NLRC5: variants seen among roughly 807,000 people sequenced by gnomAD.
NLRC5 encodes the protein NLR family CARD domain containing 5, also known as protein NLRC5.
Under a neutral mutation model 206.9 loss-of-function variants are expected in NLRC5, and 114 were observed. That is an observed-to-expected ratio of 0.55 (90% confidence interval 0.47 to 0.64). The LOEUF (loss-of-function observed/expected upper bound fraction) is 0.64, where lower values mean the gene tolerates loss of function less well. NLRC5 is among the 30% of genes least tolerant of loss of function. The pLI is 0.00. For synonymous variants in NLRC5, 952 were observed against 962.8 expected (o/e 0.99, Z 0.21); for missense variants, 2,008 against 2,305.5 (o/e 0.87, Z 2.64).
intron 1 of NLRC5, among the ~76,000 whole-genome samples, chr16:56,995,957 G>T (rs1244172853): frequency 6.6e-6 from 1 of 152,174 alleles, no homozygotes; most frequent in African/African-American, 2.4e-5. Flanking sequence ...GAATCGTAAA[G>T]TGACAAATTT....
At chr16:56,999,830 C>T (rs2058047228) in intron 1 of NLRC5, among the ~76,000 whole-genome samples, 2 of 152,224 alleles carry the variant, frequency 1.3e-5, no homozygotes, top group African/African-American at 2.4e-5. Context: ...GCTGGAGAAG[C>T]AGAGCCCCAG....
intron 23 of NLRC5, among the ~76,000 whole-genome samples, chr16:57,049,692 C>T (rs1166071898): frequency 6.6e-6 from 1 of 151,684 alleles, no homozygotes; most frequent in African/African-American, 2.4e-5. Context: ...CAAGACTGCG[C>T]CACTGTCCTC....
chr16:57,054,734 C>A lies in NLRC5; in HGVS notation c.3507-17C>A. On this transcript the variant is annotated splice_polypyrimidine_tract_variant and intron_variant, in intron 24 of 48. Transcript: ENST00000688547. ...TTGTCCACTCATCTTGCCGGATCTA[C>A]CCCCTTTCCTTTTCAGGCTGAGCCA... 6.9e-7 allele frequency: 1 copy of A among 1,455,592 alleles called. No individual in the cohort carries two copies. 90.2% of individuals were successfully genotyped at this position (1,455,592 alleles called of 1,614,324 possible). A position where few individuals can be genotyped will look rare whatever the true frequency, so the allele number is the denominator to read the frequency against.
Position 57,026,473 on chromosome 16 carries a change from T to C in NLRC5, c.1530T>C (p.Tyr510=), listed in dbSNP as rs1447367555. The change falls in exon 6 of 49, where the codon TAT becomes TAC. Residue 510 remains tyrosine (Y), a synonymous_variant. Coordinates refer to ENST00000688547, the MANE Select transcript of NLRC5 (RefSeq NM_001384950.1). The part of the protein sequence containing the change: ...CTGPGHQQTG[Y]AFTHLSLQEF... ...GCCCTGGGCACCAGCAGACAGGCTATGCTTTCACCCACCTCAGCCTGCAGG... is the reference window on the plus strand; with the variant it reads ...GCCCTGGGCACCAGCAGACAGGCTACGCTTTCACCCACCTCAGCCTGCAGG... 1.4e-5 allele frequency: 22 copies of C among 1,614,152 alleles called. No homozygotes were observed. Among genetic ancestry groups the C allele is most frequent in the Non-Finnish European group, 1.9e-5 (22 of 1,180,008 alleles).
At chr16:57,079,717 T>C (rs2068890486) in intron 46 of NLRC5, 88 bp downstream of exon 46, 2 of 1,048,624 alleles carry the variant, frequency 1.9e-6, no homozygotes, top group Non-Finnish European at 3.0e-6. Context: ...CTGTGTGGCC[T>C]GGAGCTGCTC....
chr16:57,060,037 T>C (rs2066228817), intron 30 of NLRC5, among the ~76,000 whole-genome samples: 1 of 126,262 alleles, frequency 7.9e-6, no homozygotes, highest in Non-Finnish European at 1.5e-5. Context: ...ATTATTATTA[T>C]TATTATTATT....
At chr16:57,081,327 C>T (rs1434056067) in intron 47 of NLRC5, 146 bp downstream of exon 47, 2 of 924,478 alleles carry the variant, frequency 2.2e-6, no homozygotes, top group Non-Finnish European at 3.3e-6. Flanking sequence ...CCCTGCCAGG[C>T]TTAGTTCCCC....
chr16:57,069,638 A>C (rs560655941), intron 36 of NLRC5, 198 bp from the exon 37 acceptor site: 1 of 596,764 alleles, frequency 1.7e-6, no homozygotes, highest in Non-Finnish European at 3.0e-6. Flanking sequence ...GAAATACTGA[A>C]CTAGTCCATG....
In NLRC5 at chr16:57,077,925, A is replaced by C. The variant is rs770906962; in HGVS notation, c.5004-18A>C. 1.2e-6 allele frequency: 2 copies of C among 1,613,042 alleles called. No individual in the cohort carries two copies. Among genetic ancestry groups the C allele is most frequent in the Non-Finnish European group, 1.7e-6 (2 of 1,179,398 alleles). ...TGGGCAGGCCCAGTACTCAATGCTC[A>C]TTCCTCTCCTCTTCCAGGCTTGGCT... On this transcript the variant is annotated intron_variant, in intron 42 of 48. Coordinates refer to ENST00000688547, the MANE Select transcript of NLRC5 (RefSeq NM_001384950.1).
chr16:57,078,078 C>T (rs2068634896), intron 43 of NLRC5, 58 bp downstream of exon 43: 3 of 1,388,814 alleles, frequency 2.2e-6, no homozygotes, highest in African/African-American at 3.8e-5. Context: ...TCCTCGGGAG[C>T]AGTGGGGGGG....
rs1943806786 is a variant in NLRC5, at chr16:57,025,433, C to A, written c.490C>A (p.Pro164Thr). Reference protein sequence around the residue: ...SAQQRYRSQIPGSGQPHAFHQ... With the variant: ...SAQQRYRSQITGSGQPHAFHQ... ...CCAGCAGCGCTACAGGAGCCAAATC[C>A]CTGGGTCAGGGCAGCCCCACGCCTT... The change falls in exon 6 of 49, where the codon CCT becomes ACT. Residue 164 changes from proline (P) to threonine (T), a missense_variant. Physicochemically the swap from Pro to Thr is conservative, Grantham distance 38. Coordinates refer to ENST00000688547, the MANE Select transcript of NLRC5 (RefSeq NM_001384950.1). 1.3e-6 allele frequency: 2 copies of A among 1,589,224 alleles called. No individual in the cohort carries two copies.
chr16:57,046,651 C>T lies in NLRC5; in HGVS notation c.3338+10C>T. 2 of 1,611,620 alleles carry T rather than the reference C, an allele frequency of 1.2e-6. No individual in the cohort carries two copies. The highest frequency in any genetic ancestry group is 1.1e-5 in the South Asian group (1 of 90,988). On this transcript the variant is annotated intron_variant, in intron 22 of 48. Coordinates refer to ENST00000688547, the MANE Select transcript of NLRC5 (RefSeq NM_001384950.1). ...TCCCCAGGAGCCTCTGGTACTGTCC[C>T]AGCCCTTCTTGTTTGGGGGTAACCA...
At chr16:57,019,328 C>T (rs540929910) in intron 2 of NLRC5, among the ~76,000 whole-genome samples, 71 of 152,046 alleles carry the variant, frequency 4.7e-4, no homozygotes, top group African/African-American at 1.7e-3. Flanking sequence ...ACCCGGGAGG[C>T]GGAGGCTGCA....
At chr16:57,020,066 A>G (rs1392193052) in intron 2 of NLRC5, among the ~76,000 whole-genome samples, 1 of 151,756 alleles carries the variant, frequency 6.6e-6, no homozygotes, top group Admixed American at 6.6e-5. Context: ...AGACATCAAG[A>G]CTCCATGGAG....
chr16:57,049,107 T>TG (rs2064441853), intron 23 of NLRC5, among the ~76,000 whole-genome samples: 2 of 142,008 alleles, frequency 1.4e-5, no homozygotes, highest in Non-Finnish European at 3.1e-5. Context: ...GCTGATGTGC[T>TG]AAAAAAAAAA....
intron 1 of NLRC5, among the ~76,000 whole-genome samples, chr16:57,001,532 CG>C: frequency 1.3e-5 from 2 of 152,316 alleles, no homozygotes; most frequent in South Asian, 4.1e-4. Context: ...GCTGGAGAGA[CG>C]GAAGAAGCGA....
At chr16:57,017,861 G>A (rs1278064539) in intron 2 of NLRC5, among the ~76,000 whole-genome samples, 3 of 152,160 alleles carry the variant, frequency 2.0e-5, no homozygotes, top group Non-Finnish European at 4.4e-5. Context: ...CAGCCCTAAT[G>A]CCTACCACAG....
chr16:57,050,692 A>C lies in NLRC5; in HGVS notation c.3423-846A>C, dbSNP rs549666691. ...GGTATCTGGAGTTTCTCCTAAATGCACTGGGTTCTGACGAATTATCTGAAC... is the reference window on the plus strand; with the variant it reads ...GGTATCTGGAGTTTCTCCTAAATGCCCTGGGTTCTGACGAATTATCTGAAC... On this transcript the variant is annotated intron_variant, in intron 23 of 48. Coordinates refer to ENST00000688547, the MANE Select transcript of NLRC5 (RefSeq NM_001384950.1). Among the ~76,000 whole-genome samples the C allele has an allele frequency of 3.3e-5, 5 of 152,276 alleles. No individual in the cohort carries two copies. The East Asian group carries it at 9.7e-4, about 29-fold the overall frequency.
Position 57,020,984 on chromosome 16 carries a change from T to G in NLRC5, c.272T>G (p.Leu91Arg). The change falls in exon 3 of 49, where the codon CTG (leucine) becomes CGG (arginine). Residue 91 changes from leucine to arginine, a missense_variant. By Grantham distance (102) the Leu-to-Arg change is moderately radical (BLOSUM62 -2). Transcript: ENST00000688547. ...EVPLDLEVLL[L>R]STFGYDDGFT... ...CCTCTGGACCTGGAGGTGCTGCTGC[T>G]GAGTACTTTTGGCTATGATGATGGT... is the stretch of plus-strand genomic sequence containing the variant. 1 of 1,613,794 alleles carries G rather than the reference T, an allele frequency of 6.2e-7. No individual in the cohort carries two copies. The highest frequency in any genetic ancestry group is 8.5e-7 in the Non-Finnish European group (1 of 1,179,804).
Sources: allele counts gnomAD v4.1 joint callset (sites outside exome capture counted in the v4.1 genomes callset), GRCh38; gene constraint gnomAD v4.1.1; transcripts MANE v1.5; gene names NCBI Gene and HGNC (gene_info 2026-07-23, HGNC 2026-07-21).